The following VAV2 variants were observed in gnomAD, a reference collection of about 807,000 sequenced individuals.
VAV2 encodes vav guanine nucleotide exchange factor 2.
VAV2 carries 67 observed loss-of-function variants against 132.5 expected under a neutral mutation model. The ratio of observed to expected loss-of-function variants is 0.51; its 90% confidence interval spans 0.42 to 0.62. VAV2 has a LOEUF of 0.62. Ranked by LOEUF, VAV2 falls within the 20% of genes least tolerant of loss-of-function variation. The probability of loss-of-function intolerance (pLI) is 0.00; values close to 1 mark genes in which losing one functional copy is unlikely to be tolerated. For synonymous variants in VAV2, 492 were observed against 443.5 expected (o/e 1.11, Z -1.37); for missense variants, 938 against 1,153.6 (o/e 0.81, Z 2.71).
In VAV2 at chr9:133,788,155, T is replaced by A. The variant is rs1050583223; in HGVS notation, c.1407+199A>T. ...CGCTGGGCCCGGCGAGGAGCAGGCCTGCTATGAGCAGTGGTCACGACGGCG... is the reference window on the plus strand; with the variant it reads ...CGCTGGGCCCGGCGAGGAGCAGGCCAGCTATGAGCAGTGGTCACGACGGCG... On this transcript the variant is annotated intron_variant, in intron 15 of 29. Transcript: ENST00000371850. This position sits in a 1 kb window ranked among gnomAD's most constrained non-coding sequence, Gnocchi z 5.3. Among the ~76,000 whole-genome samples the A allele has an allele frequency of 1.3e-5, 2 of 152,284 alleles. No individual in the cohort carries two copies. The highest frequency in any genetic ancestry group is 4.8e-5 in the African/African-American group (2 of 41,550).
intron 3 of VAV2, among the ~76,000 whole-genome samples, chr9:133,837,833 C>T (rs1248723995): frequency 6.6e-6 from 1 of 152,042 alleles, no homozygotes; most frequent in Non-Finnish European, 1.5e-5. Context: ...TTTACCTGCC[C>T]AACCCAGAGG....
chr9:133,859,455 A>G (rs986940909), intron 3 of VAV2, among the ~76,000 whole-genome samples: 11 of 152,226 alleles, frequency 7.2e-5, no homozygotes, highest in African/African-American at 2.7e-4. Context: ...CCTCCCCAGG[A>G]ACAGAATCAG....
In VAV2 at chr9:133,783,348, G is replaced by A. The variant is rs183748057; in HGVS notation, c.1723+155C>T. Among the ~76,000 whole-genome samples the A allele has an allele frequency of 5.0e-3, 760 of 152,210 alleles. 6 individuals carry two copies. The highest frequency in any genetic ancestry group is 0.017 in the African/African-American group (719 of 41,512). On this transcript the variant is annotated intron_variant, in intron 19 of 29. Coordinates refer to ENST00000371850, the MANE Select transcript of VAV2 (RefSeq NM_001134398.2). ...GTTAAGTGTGTGACGTGCGGCAGGC[G>A]TCTGGTGTCTGCTCTGGGGCACGTG...
intron 9 of VAV2, among the ~76,000 whole-genome samples, chr9:133,805,551 C>T (rs927500352): frequency 1.4e-4 from 21 of 152,008 alleles, no homozygotes; most frequent in African/African-American, 3.1e-4. Flanking sequence ...CCAGAAACGC[C>T]GCCTCCCCAA....
chr9:133,981,223 T>G (rs973051600), intron 1 of VAV2, among the ~76,000 whole-genome samples: 21 of 152,328 alleles, frequency 1.4e-4, no homozygotes, highest in African/African-American at 5.1e-4. Flanking sequence ...ACTTAGGTGT[T>G]GTAGGACCAT....
In VAV2 at chr9:133,935,665, T is replaced by C. The variant is rs529183102; in HGVS notation, c.321+3438A>G. The stretch of plus-strand genomic sequence containing the variant: ...AGCAGAACCGTCAGGCTCCAGACCG[T>C]GGTGAACGTCCCAGCTCCCCAGCCT... On this transcript the variant is annotated intron_variant, in intron 2 of 29. Transcript: ENST00000371850. The surrounding 1 kb of genome is among the most constrained non-coding windows in gnomAD (Gnocchi z 5.2). Among the ~76,000 whole-genome samples, 17 of 152,194 alleles carry C rather than the reference T, an allele frequency of 1.1e-4. No individual in the cohort carries two copies. The South Asian group carries it at 1.5e-3, about 13-fold the overall frequency.
intron 2 of VAV2, among the ~76,000 whole-genome samples, chr9:133,915,060 G>A (rs1840028205): frequency 1.3e-5 from 2 of 152,116 alleles, no homozygotes; most frequent in Non-Finnish European, 2.9e-5. Flanking sequence ...AAACACCAAG[G>A]AGTGCTTTGA....
rs13299267 is a variant in VAV2 at position 133,761,988 on chromosome 9, G to A, written c.*2074C>T. ...CAGTTTGTGTCCATTTGGGGTTCCC[G>A]CCAGCTGGGGGGGCCCCCAGATCCC... On this transcript the variant is annotated 3_prime_UTR_variant, in exon 30 of 30. Transcript: ENST00000371850. The A allele has an allele frequency of 0.082, 12,533 of 152,552 alleles. 577 individuals carry two copies. The highest frequency in any genetic ancestry group is 0.098 in the African/African-American group (4,076 of 41,426). 9.4% of individuals were successfully genotyped at this position (152,552 alleles called of 1,614,324 possible).
chr9:133,766,352 A>G (rs1276190719), intron 29 of VAV2, among the ~76,000 whole-genome samples: 1 of 152,216 alleles, frequency 6.6e-6, no homozygotes, highest in Non-Finnish European at 1.5e-5. Context: ...TACTCACAAC[A>G]GCAAAGACTT....
chr9:133,771,917 T>A, intron 26 of VAV2, 42 bp downstream of exon 26: 1 of 1,578,154 alleles, frequency 6.3e-7, no homozygotes, highest in Non-Finnish European at 8.7e-7. Flanking sequence ...ACCTGTCCCC[T>A]GTGGCTGGGG....
At chr9:133,934,640 C>G (rs1357365093) in intron 2 of VAV2, among the ~76,000 whole-genome samples, 1 of 152,264 alleles carries the variant, frequency 6.6e-6, no homozygotes, top group Non-Finnish European at 1.5e-5. Flanking sequence ...GTCTCCAAGA[C>G]TTGCCCCACA....
At chr9:133,901,999 G>A (rs139453435) in intron 2 of VAV2, among the ~76,000 whole-genome samples, 3 of 152,234 alleles carry the variant, frequency 2.0e-5, no homozygotes, top group East Asian at 3.9e-4. Flanking sequence ...CACGTCAGGA[G>A]ACTCTGTGGA....
At position 133,769,538 on chromosome 9, in the gene VAV2, G is replaced by A; in HGVS notation, c.2348-35C>T. ...GGCGAGAGAGAACGTGAGGCGGGCAGCAGGGCATCCACGCACAGTCACGGT... is the reference window on the plus strand; with the variant it reads ...GGCGAGAGAGAACGTGAGGCGGGCAACAGGGCATCCACGCACAGTCACGGT... On this transcript the variant is annotated intron_variant, in intron 27 of 29. Transcript: ENST00000371850. This position sits in a 1 kb window ranked among gnomAD's most constrained non-coding sequence, Gnocchi z 8.1. The A allele has an allele frequency of 6.3e-7, 1 of 1,589,672 alleles. No individual in the cohort carries two copies. Among genetic ancestry groups the A allele is most frequent in the Non-Finnish European group, 8.6e-7 (1 of 1,166,480 alleles).
At chr9:133,977,587 G>C (rs1842555622) in intron 1 of VAV2, among the ~76,000 whole-genome samples, 1 of 152,196 alleles carries the variant, frequency 6.6e-6, no homozygotes, top group African/African-American at 2.4e-5. Context: ...CCAGGCAAAT[G>C]ACATGACAGG....
intron 1 of VAV2, among the ~76,000 whole-genome samples, chr9:133,952,567 C>T (rs1473438672): frequency 6.6e-6 from 1 of 151,516 alleles, no homozygotes; most frequent in Non-Finnish European, 1.5e-5. Context: ...CGCACCATTG[C>T]ACTCCAGCCT....
At chr9:133,842,356 G>C (rs945080992) in intron 3 of VAV2, among the ~76,000 whole-genome samples, 1 of 152,178 alleles carries the variant, frequency 6.6e-6, no homozygotes, top group African/African-American at 2.4e-5. Flanking sequence ...GGTGCTCCTC[G>C]CCCAGCCGGA....
chr9:133,791,688 G>T, intron 13 of VAV2, 95 bp downstream of exon 13: 1 of 1,092,344 alleles, frequency 9.2e-7, no homozygotes, highest in Non-Finnish European at 1.4e-6. Flanking sequence ...TGGTGTGGCT[G>T]CCCATGGAGC....
At chr9:133,900,211 GAAGA>G (rs1346517911) in intron 2 of VAV2, among the ~76,000 whole-genome samples, 2 of 149,224 alleles carry the variant, frequency 1.3e-5, no homozygotes, top group Non-Finnish European at 3.0e-5. Context: ...AAAAACCAAA[GAAGA>G]AAGAAAGAAA....
chr9:133,923,920 T>A (rs2132083858), intron 2 of VAV2, among the ~76,000 whole-genome samples: 1 of 151,458 alleles, frequency 6.6e-6, no homozygotes, highest in Admixed American at 6.6e-5. Context: ...ATGTTCTCAC[T>A]CATAGGTGGG....
Sources: allele counts gnomAD v4.1 joint callset (sites outside exome capture counted in the v4.1 genomes callset), GRCh38; gene constraint gnomAD v4.1.1; non-coding constraint Gnocchi (gnomAD v3.1); transcripts MANE v1.5; gene names NCBI Gene and HGNC (gene_info 2026-07-23, HGNC 2026-07-21).